NRXN3: variants seen among roughly 807,000 people sequenced by gnomAD.
The protein encoded by NRXN3 is neurexin III.
In NRXN3, 32 loss-of-function variants were observed where a neutral mutation model predicts 137.6. The ratio of observed to expected loss-of-function variants is 0.23; its 90% CI spans 0.18 to 0.31. The LOEUF is 0.31. Among genes scored for constraint, NRXN3 ranks in the 10% least tolerant of loss-of-function variants. The pLI, the probability that NRXN3 is intolerant of heterozygous loss-of-function variation, is 1.00. For synonymous variants in NRXN3, 798 were observed against 784.5 expected (o/e 1.02, Z -0.29); for missense variants, 1,574 against 2,062.5 (o/e 0.76, Z 4.59).
At chr14:79,209,438 G>A (rs923663639) in intron 15 of NRXN3, among the ~76,000 whole-genome samples, 18 of 151,756 alleles carry the variant, frequency 1.2e-4, no homozygotes, top group African/African-American at 2.4e-4. Flanking sequence ...GTCACAATGG[G>A]TAAAGTGTTA....
chr14:79,259,031 TC>T (rs2077163532), intron 15 of NRXN3, among the ~76,000 whole-genome samples: 1 of 152,174 alleles, frequency 6.6e-6, no homozygotes, highest in Non-Finnish European at 1.5e-5. Context: ...TTATTTTTTT[TC>T]CTCACTTTTT....
At position 78,575,869 on chromosome 14, in the gene NRXN3, C is replaced by G. The variant is rs908738468; in HGVS notation, c.758-69251C>G. 2.6e-5 allele frequency among the ~76,000 whole-genome samples: 4 copies of G among 152,272 alleles called. No individual in the cohort carries two copies. The East Asian group carries it at 7.7e-4, about 29-fold the overall frequency. ...AAGATGTTCAGGAAACTAGAGGCCTCAAATTCTCCTACTGCAATCTGACTT... is the reference window on the plus strand; with the variant it reads ...AAGATGTTCAGGAAACTAGAGGCCTGAAATTCTCCTACTGCAATCTGACTT... On this transcript the variant is annotated intron_variant, in intron 4 of 20. Transcript: ENST00000335750.
At chr14:79,163,036 T>C (rs2060947671) in intron 15 of NRXN3, among the ~76,000 whole-genome samples, 1 of 151,978 alleles carries the variant, frequency 6.6e-6, no homozygotes, top group South Asian at 2.1e-4. Flanking sequence ...AACTCTTGAG[T>C]CAGCATTTAA....
intron 16 of NRXN3, among the ~76,000 whole-genome samples, chr14:79,512,245 A>G (rs1199676147): frequency 1.3e-5 from 2 of 152,160 alleles, no homozygotes; most frequent in Admixed American, 1.3e-4. Flanking sequence ...CACCAAAAAC[A>G]ATAGTTAGTA....
intron 16 of NRXN3, among the ~76,000 whole-genome samples, chr14:79,644,672 C>A (rs2098446164): frequency 1.5e-5 from 2 of 135,914 alleles, no homozygotes; most frequent in Admixed American, 7.8e-5. Context: ...TTTAAGATGG[C>A]AGCCTTTAAA....
intron 8 of NRXN3, among the ~76,000 whole-genome samples, chr14:78,729,034 G>T (rs1178375536): frequency 6.6e-6 from 1 of 152,180 alleles, no homozygotes; most frequent in Non-Finnish European, 1.5e-5. Flanking sequence ...CCATTCTGGG[G>T]TTGTTATGAT....
intron 4 of NRXN3, among the ~76,000 whole-genome samples, chr14:78,355,099 G>A (rs2084082484): frequency 6.6e-6 from 1 of 152,150 alleles, no homozygotes; most frequent in Non-Finnish European, 1.5e-5. Flanking sequence ...CTCTTTGCCT[G>A]GATCATGACC....
chr14:79,708,332 A>G (rs1228680561), intron 19 of NRXN3, among the ~76,000 whole-genome samples: 2 of 152,138 alleles, frequency 1.3e-5, no homozygotes, highest in African/African-American at 4.8e-5. Flanking sequence ...TGCAAATACT[A>G]TGCCATTTTA....
chr14:79,841,896 A>T (rs1013236043), intron 20 of NRXN3, among the ~76,000 whole-genome samples: 8 of 152,240 alleles, frequency 5.3e-5, no homozygotes, highest in Non-Finnish European at 8.8e-5. Context: ...GACTCAGGGA[A>T]ATCCCATCTG....
At chr14:78,431,574 GAC>G (rs978312509) in intron 4 of NRXN3, among the ~76,000 whole-genome samples, 1 of 152,078 alleles carries the variant, frequency 6.6e-6, no homozygotes, top group Non-Finnish European at 1.5e-5. Flanking sequence ...AGCAAAGAAA[GAC>G]AAAGGGGAGG....
At chr14:79,710,823 G>GTGTC (rs1800325108) in intron 19 of NRXN3, among the ~76,000 whole-genome samples, 2 of 152,132 alleles carry the variant, frequency 1.3e-5, no homozygotes, top group South Asian at 4.1e-4. Context: ...CAAACATTGG[G>GTGTC]TGTCTCATAA....
rs148503426 is a variant in NRXN3, at chr14:79,833,737, C to G, written c.4094-27605C>G. Reference sequence around the variant, plus strand: ...TCTTAGCAGCTCATCTGTAGAGGTACCAACTGATCAAAAATTCAAAGTTCT... The same window carrying G: ...TCTTAGCAGCTCATCTGTAGAGGTAGCAACTGATCAAAAATTCAAAGTTCT... On this transcript the variant is annotated intron_variant, in intron 20 of 20. Transcript: ENST00000335750. 6.8e-3 allele frequency among the ~76,000 whole-genome samples: 1,030 copies of G among 152,182 alleles called. 8 individuals are homozygous for G. The highest frequency in any genetic ancestry group is 0.024 in the African/African-American group (993 of 41,530).
intron 4 of NRXN3, among the ~76,000 whole-genome samples, chr14:78,372,137 A>T (rs1265123351): frequency 1.3e-5 from 2 of 150,104 alleles, no homozygotes; most frequent in Non-Finnish European, 3.0e-5. Flanking sequence ...GGATATCCAC[A>T]TTTTATTGTT....
At chr14:78,860,131 CTT>C (rs1364312085) in intron 10 of NRXN3, among the ~76,000 whole-genome samples, 1 of 152,144 alleles carries the variant, frequency 6.6e-6, no homozygotes, top group Non-Finnish European at 1.5e-5. Flanking sequence ...TAGTAAAACA[CTT>C]AACATTTATT....
chr14:79,799,730 G>A (rs955472999), intron 19 of NRXN3, among the ~76,000 whole-genome samples: 2 of 152,116 alleles, frequency 1.3e-5, no homozygotes, highest in African/African-American at 2.4e-5. Flanking sequence ...GCCTGTCCCT[G>A]AGGGCTCATT....
At chr14:79,754,394 A>T (rs577385589) in intron 19 of NRXN3, among the ~76,000 whole-genome samples, 1 of 150,412 alleles carries the variant, frequency 6.6e-6, no homozygotes, top group South Asian at 2.1e-4. Context: ...ATTATATGCA[A>T]ATACTGTGCC....
At chr14:78,472,090 C>T (rs1385184927) in intron 4 of NRXN3, among the ~76,000 whole-genome samples, 30 of 152,186 alleles carry the variant, frequency 2.0e-4, no homozygotes, top group Admixed American at 2.0e-3. Context: ...AAGAGAAAGC[C>T]TCAAAGAGCT....
chr14:79,588,303 T>C (rs1736124751), intron 16 of NRXN3, among the ~76,000 whole-genome samples: 2 of 152,204 alleles, frequency 1.3e-5, no homozygotes. Context: ...TATAAATGAC[T>C]ATAATGTGGG....
At chr14:79,211,799 G>T (rs2067702557) in intron 15 of NRXN3, among the ~76,000 whole-genome samples, 1 of 152,070 alleles carries the variant, frequency 6.6e-6, no homozygotes, top group Non-Finnish European at 1.5e-5. Flanking sequence ...CAACATTTTT[G>T]TGAAGTATAT....
Sources: allele counts gnomAD v4.1 joint callset (sites outside exome capture counted in the v4.1 genomes callset), GRCh38; gene constraint gnomAD v4.1.1; transcripts MANE v1.5; gene names NCBI Gene and HGNC (gene_info 2026-07-23, HGNC 2026-07-21).